Variants in DAPK2 observed in about 807,000 individuals in gnomAD.
DAPK2 encodes death associated protein kinase 2.
DAPK2 carries 35 observed loss-of-function variants against 44.1 expected under a neutral mutation model. The observed-to-expected ratio is 0.79, with a 90% CI of 0.61 to 1.05. The LOEUF (loss-of-function observed/expected upper bound fraction) is 1.05. Among genes scored for constraint, DAPK2 ranks in the 50% least tolerant of loss-of-function variants. The pLI is 0.00. For missense variants in DAPK2, 453 were observed against 483.2 expected (o/e 0.94, Z 0.59); for synonymous variants, 174 against 182.6 (o/e 0.95, Z 0.38).
At chr15:64,036,324 T>TATATATATATAC (rs1555484566) in intron 1 of DAPK2, among the ~76,000 whole-genome samples, 1 of 116,018 alleles carries the variant, frequency 8.6e-6, no homozygotes, top group African/African-American at 3.1e-5. Context: ...TATATGTATA[T>TATATATATATAC]ATATATATAT....
At chr15:63,935,386 C>T (rs991029576) in intron 4 of DAPK2, among the ~76,000 whole-genome samples, 1 of 152,094 alleles carries the variant, frequency 6.6e-6, no homozygotes, top group South Asian at 2.1e-4. Context: ...CCACCATGCC[C>T]GGCCTCATTC....
chr15:64,013,214 T>C lies in DAPK2; in HGVS notation c.92+26956A>G, dbSNP rs1411149401. 1.3e-5 allele frequency among the ~76,000 whole-genome samples: 2 copies of C among 152,192 alleles called. No individual in the cohort carries two copies. Among genetic ancestry groups the C allele is most frequent in the Admixed American group, 6.5e-5 (1 of 15,286 alleles). On this transcript the variant is annotated intron_variant, in intron 1 of 10. Coordinates refer to ENST00000261891, the Ensembl canonical transcript of DAPK2. This position sits in a 1 kb window ranked among gnomAD's most constrained non-coding sequence, Gnocchi z 4.7. The stretch of plus-strand genomic sequence containing the variant: ...ATAACATTTTGGTTGTTCTGTAAAA[T>C]GAGACCAGTCTAACTCCCTTGTTCT...
intron 7 of DAPK2, 79 bp downstream of exon 8, chr15:63,925,862 G>T: frequency 6.4e-7 from 1 of 1,562,922 alleles, no homozygotes; most frequent in South Asian, 1.1e-5. Context: ...TCAAAGTGGG[G>T]ACATACTGAC....
At chr15:63,909,100 T>C (rs1457938136) in intron 10 of DAPK2, 1 of 152,266 alleles carries the variant, frequency 6.6e-6, no homozygotes, top group African/African-American at 2.4e-5. Context: ...CTGAGCTCCA[T>C]TTTTATAAAA....
In DAPK2 at chr15:64,046,317, G is replaced by A; in HGVS notation, c.-26C>T. 1.0e-6 allele frequency: 1 copy of A among 978,592 alleles called. No homozygotes were observed. The highest frequency in any genetic ancestry group is 1.2e-6 in the Non-Finnish European group (1 of 827,512). The allele number at this position is 978,592 out of a possible 1,614,324, so 60.6% of individuals were successfully genotyped here. A position where few individuals can be genotyped will look rare whatever the true frequency, so the allele number is the denominator to read the frequency against. On this transcript the variant is annotated 5_prime_UTR_variant, in exon 1 of 12. Coordinates refer to the DAPK2 transcript ENST00000457488. This position sits in a 1 kb window ranked among gnomAD's most constrained non-coding sequence, Gnocchi z 5.3. Reference sequence around the variant, plus strand: ...ACTCACGGCGGGAGGCTGAGCTGCCGCGGTCGCGGCCGCGGCAGGCGCGGC... The same window carrying A: ...ACTCACGGCGGGAGGCTGAGCTGCCACGGTCGCGGCCGCGGCAGGCGCGGC...
chr15:63,975,788 G>C (rs779822465), intron 2 of DAPK2, among the ~76,000 whole-genome samples: 2 of 152,048 alleles, frequency 1.3e-5, no homozygotes, highest in Admixed American at 6.5e-5. Context: ...TAGTAGAAAT[G>C]GGGTTTCACC....
intron 5 of DAPK2, 73 bp downstream of exon 6, chr15:63,930,334 A>G: frequency 3.6e-6 from 5 of 1,405,498 alleles, no homozygotes; most frequent in Non-Finnish European, 5.0e-6. Context: ...AGCGGATGTC[A>G]CCTGGAGCAG....
intron 3 of DAPK2, among the ~76,000 whole-genome samples, chr15:63,954,126 T>C (rs1397275706): frequency 6.6e-6 from 1 of 152,224 alleles, no homozygotes; most frequent in Non-Finnish European, 1.5e-5. Context: ...TTGTTGATTG[T>C]TTTCTTTGCT....
chr15:64,033,337 A>G (rs2141162102), intron 1 of DAPK2, among the ~76,000 whole-genome samples: 1 of 118,672 alleles, frequency 8.4e-6, no homozygotes, highest in East Asian at 2.3e-4. Flanking sequence ...AAAAAAAAAT[A>G]GCTGCTGGGT....
At chr15:63,999,323 G>T (rs2079025989) in intron 1 of DAPK2, among the ~76,000 whole-genome samples, 2 of 152,206 alleles carry the variant, frequency 1.3e-5, no homozygotes, top group South Asian at 2.1e-4. Context: ...GGCACGTGGG[G>T]ACTGGGAGGA....
chr15:63,915,520 C>T (rs1032154041), intron 8 of DAPK2, among the ~76,000 whole-genome samples: 1 of 152,200 alleles, frequency 6.6e-6, no homozygotes, highest in Non-Finnish European at 1.5e-5. Flanking sequence ...TACTGATTGG[C>T]ACCCTCACCC....
At chr15:63,931,261 C>A (rs2079545887) in intron 4 of DAPK2, among the ~76,000 whole-genome samples, 1 of 152,030 alleles carries the variant, frequency 6.6e-6, no homozygotes, top group African/African-American at 2.4e-5. Context: ...TATAAATGAC[C>A]CACTTTAAGG....
chr15:64,030,300 C>T (rs1309659134), intron 1 of DAPK2, among the ~76,000 whole-genome samples: 1 of 151,900 alleles, frequency 6.6e-6, no homozygotes, highest in Non-Finnish European at 1.5e-5. Flanking sequence ...AAACCAAAAA[C>T]CAAAAACCAA....
Position 63,990,770 on chromosome 15 carries a change from C to T in DAPK2, c.93-7016G>A, listed in dbSNP as rs893027034. Among the ~76,000 whole-genome samples the T allele has an allele frequency of 3.9e-5, 6 of 152,182 alleles. No homozygotes were observed. The highest frequency in any genetic ancestry group is 7.3e-5 in the Non-Finnish European group (5 of 68,028). Reference sequence around the variant, plus strand: ...CCTGCGAGGTTTCAGGGCCATAGGGCAGGGATAATGCTTAGGAACTTCCAG... The same window carrying T: ...CCTGCGAGGTTTCAGGGCCATAGGGTAGGGATAATGCTTAGGAACTTCCAG... On this transcript the variant is annotated intron_variant, in intron 1 of 10. Transcript: ENST00000261891. This position sits in a 1 kb window ranked among gnomAD's most constrained non-coding sequence, Gnocchi z 4.3.
Position 63,908,842 on chromosome 15 carries a change from C to T in DAPK2, c.1033-242G>A. The stretch of plus-strand genomic sequence containing the variant: ...AGGGCATCTAAGGGAAACCAGACAT[C>T]AGGAGAGGCCAAATTATAATAAAGA... On this transcript the variant is annotated intron_variant, in intron 10 of 10. Coordinates refer to ENST00000261891, the Ensembl canonical transcript of DAPK2. This position sits in a 1 kb window ranked among gnomAD's most constrained non-coding sequence, Gnocchi z 5.7. 2.9e-6 allele frequency: 1 copy of T among 349,242 alleles called. No individual in the cohort carries two copies. Among genetic ancestry groups the T allele is most frequent in the Non-Finnish European group, 5.2e-6 (1 of 192,812 alleles). 21.6% of individuals were successfully genotyped at this position (349,242 alleles called of 1,614,324 possible). A position where few individuals can be genotyped will look rare whatever the true frequency, so the allele number is the denominator to read the frequency against.
rs1045934351 is a variant in DAPK2 at position 64,046,051 on chromosome 15, T to C, written c.-7+247A>G. 6.6e-5 allele frequency among the ~76,000 whole-genome samples: 10 copies of C among 152,124 alleles called. 1 individual carries two copies. Among genetic ancestry groups the C allele is most frequent in the African/African-American group, 9.6e-5 (4 of 41,452 alleles). On this transcript the variant is annotated intron_variant, in intron 1 of 11. Coordinates refer to the DAPK2 transcript ENST00000457488. This position sits in a 1 kb window ranked among gnomAD's most constrained non-coding sequence, Gnocchi z 5.3. The stretch of plus-strand genomic sequence containing the variant: ...GGTGCTTGGCTCTGCCCGCCGCCTC[T>C]ACCCTGTCTCCCAGGTCAAAGTGCC...
chr15:63,992,939 G>A (rs994480850), intron 1 of DAPK2, among the ~76,000 whole-genome samples: 1 of 152,242 alleles, frequency 6.6e-6, no homozygotes, highest in Admixed American at 6.5e-5. Context: ...TTAAAAACGA[G>A]CTTGTGCTGC....
Position 63,998,313 on chromosome 15 carries a change from G to C in DAPK2, c.93-14559C>G, listed in dbSNP as rs8027982. On this transcript the variant is annotated intron_variant, in intron 1 of 10. Transcript: ENST00000261891. ...AGTCATGGGCTCCCACATGGATGTG[G>C]GCTGGCCACACAAGCACATTCCTGC... Among the ~76,000 whole-genome samples the C allele has an allele frequency of 1.8e-3, 280 of 152,316 alleles. 1 individual carries two copies. Among genetic ancestry groups the C allele is most frequent in the African/African-American group, 6.2e-3 (257 of 41,570 alleles).
chr15:63,924,658 C>G, intron 8 of DAPK2, 158 bp downstream of exon 9: 1 of 707,910 alleles, frequency 1.4e-6, no homozygotes, highest in Non-Finnish European at 2.4e-6. Context: ...CGAATAAGCC[C>G]AGGCCCTCTG....
Sources: gnomAD v4.1 joint callset for allele counts (sites outside exome capture counted in the v4.1 genomes callset) on GRCh38, gnomAD v4.1.1 for gene constraint, Gnocchi (gnomAD v3.1) non-coding constraint, MANE v1.5 for transcripts, NCBI Gene and HGNC (gene_info 2026-07-23, HGNC 2026-07-21) for gene names.